The following TRPC7 variants were observed in gnomAD, a reference collection of about 807,000 sequenced individuals.
TRPC7 encodes short transient receptor potential channel 7.
TRPC7 carries 42 observed loss-of-function variants against 90.1 expected under a neutral mutation model. The ratio of observed to expected loss-of-function variants is 0.47; its 90% CI spans 0.36 to 0.60. TRPC7 has a LOEUF of 0.60. Ranked by LOEUF, TRPC7 falls within the 20% of genes least tolerant of loss-of-function variation. TRPC7 has a pLI of 0.00. For synonymous variants in TRPC7, 451 were observed against 436.3 expected (o/e 1.03, Z -0.42); for missense variants, 955 against 1,112.3 (o/e 0.86, Z 2.01).
chr5:136,311,952 C>T (rs1758846229), intron 3 of TRPC7, among the ~76,000 whole-genome samples: 1 of 152,206 alleles, frequency 6.6e-6, no homozygotes, highest in Admixed American at 6.5e-5. Flanking sequence ...ATATTTGAGG[C>T]ACAAATGCTT....
chr5:136,337,154 T>C (rs892825791), intron 2 of TRPC7, among the ~76,000 whole-genome samples: 1 of 152,208 alleles, frequency 6.6e-6, no homozygotes, highest in Non-Finnish European at 1.5e-5. Context: ...TTCCCTTACG[T>C]AACCTCTAAA....
chr5:136,356,512 T>A, intron 2 of TRPC7, 96 bp downstream of exon 2: 1 of 1,274,612 alleles, frequency 7.8e-7, no homozygotes, highest in Non-Finnish European at 1.1e-6. Flanking sequence ...GAAGCTTCCC[T>A]CTTTCTTAGA....
chr5:136,348,938 A>G lies in TRPC7; in HGVS notation c.780+7670T>C, dbSNP rs544602245. On this transcript the variant is annotated intron_variant, in intron 2 of 11. Transcript: ENST00000513104. ...ATTGCCATTTGATTTAATTTGTGCT[A>G]CTACTCATTGGCTAACATCCTCAAA... Among the ~76,000 whole-genome samples, 298 of 152,326 alleles carry G rather than the reference A, an allele frequency of 2.0e-3. 1 individual carries two copies. Among genetic ancestry groups the G allele is most frequent in the African/African-American group, 6.5e-3 (271 of 41,576 alleles).
rs1757304491 is a variant in TRPC7, at chr5:136,274,681, A to G, written c.1120T>C (p.Cys374Arg). The G allele has an allele frequency of 6.2e-7, 1 of 1,613,330 alleles. No homozygotes were observed. The highest frequency in any genetic ancestry group is 1.3e-5 in the African/African-American group (1 of 74,886). The change falls in exon 4 of 12, where the codon TGC (cysteine) becomes CGC (arginine). Residue 374 changes from cysteine (C) to arginine (R), a missense_variant. Coordinates refer to ENST00000513104, the MANE Select transcript of TRPC7 (RefSeq NM_020389.3). ...FLAIAYWIAP[C>R]SKLGRTLRSP... is the part of the protein sequence containing the mutation. The stretch of plus-strand genomic sequence containing the variant: ...CCTTAAGCAGTCTGTACCTTGCTGC[A>G]CGGAGCAATCCAATAGGCTATGGCG...
intron 10 of TRPC7, among the ~76,000 whole-genome samples, chr5:136,219,749 G>C (rs960037925): frequency 6.6e-6 from 1 of 152,230 alleles, no homozygotes; most frequent in African/African-American, 2.4e-5. Context: ...CTGGGTGACA[G>C]AGCAAGACTC....
intron 3 of TRPC7, among the ~76,000 whole-genome samples, 192 bp from the exon 4 acceptor site, chr5:136,275,029 G>A (rs902003795): frequency 6.6e-6 from 1 of 152,146 alleles, no homozygotes; most frequent in African/African-American, 2.4e-5. Flanking sequence ...AAGGAACTTT[G>A]TGCTGTGGCC....
At chr5:136,214,279 T>C (rs1413943891) in intron 11 of TRPC7, 2 of 152,576 alleles carry the variant, frequency 1.3e-5, no homozygotes, top group East Asian at 3.9e-4. Context: ...ACCTTGTGGT[T>C]AGAAGTCCAA....
At position 136,356,590 on chromosome 5, in the gene TRPC7, G is replaced by A; in HGVS notation, c.780+18C>T. Reference sequence around the variant, plus strand: ...CCCCTGGGCAACCTGCCTGCAGGGTGCTAAGTGGAAGAGTTACCTTAAATT... The same window carrying A: ...CCCCTGGGCAACCTGCCTGCAGGGTACTAAGTGGAAGAGTTACCTTAAATT... On this transcript the variant is annotated intron_variant, in intron 2 of 11. Transcript: ENST00000513104. 1.3e-6 allele frequency: 2 copies of A among 1,520,158 alleles called. No homozygotes were observed. Among genetic ancestry groups the A allele is most frequent in the African/African-American group, 1.4e-5 (1 of 71,954 alleles). The allele number at this position is 1,520,158 out of a possible 1,614,324, so 94.2% of individuals were successfully genotyped here.
chr5:136,251,683 G>A lies in TRPC7; in HGVS notation c.1545C>T (p.Val515=), dbSNP rs1756521971. The A allele has an allele frequency of 1.2e-6, 2 of 1,610,976 alleles. No individual in the cohort carries two copies. Among genetic ancestry groups the A allele is most frequent in the African/African-American group, 1.3e-5 (1 of 74,892 alleles). Residue 515 remains valine (V), a synonymous_variant, in exon 6 of 12, where the codon GTC becomes GTT. Coordinates refer to ENST00000513104, the MANE Select transcript of TRPC7 (RefSeq NM_020389.3). ...AGTATGCCACTTCCGGCGGAAGCGA[G>A]ACATTGTGCAGCGTGTCGTCCTGCA... is the stretch of plus-strand genomic sequence containing the variant. ...QHVQDDTLHN[V]SLPPEVAYFT...
chr5:136,242,119 G>T (rs561800338), intron 7 of TRPC7, among the ~76,000 whole-genome samples: 1 of 152,278 alleles, frequency 6.6e-6, no homozygotes, highest in African/African-American at 2.4e-5. Context: ...ATTCCTAACA[G>T]TCTGAACTGA....
At chr5:136,288,063 C>A (rs1757791563) in intron 3 of TRPC7, among the ~76,000 whole-genome samples, 1 of 152,090 alleles carries the variant, frequency 6.6e-6, no homozygotes. Context: ...ATGTATTGAT[C>A]AATTTAATCC....
At chr5:136,303,901 C>G (rs970028227) in intron 3 of TRPC7, 3 of 152,010 alleles carry the variant, frequency 2.0e-5, no homozygotes, top group Admixed American at 1.3e-4. Flanking sequence ...GCTACCCATG[C>G]CACGTTACCT....
rs181911522 is a variant in TRPC7 at position 136,354,286 on chromosome 5, C to T, written c.780+2322G>A. ...AAAAAACAAAAAAGAGGCTATATTCCTTAAGACTTTCTTTCAGTAATCTCT... is the reference window on the plus strand; with the variant it reads ...AAAAAACAAAAAAGAGGCTATATTCTTTAAGACTTTCTTTCAGTAATCTCT... On this transcript the variant is annotated intron_variant, in intron 2 of 11. Transcript: ENST00000513104. Among the ~76,000 whole-genome samples the T allele has an allele frequency of 2.2e-3, 335 of 152,270 alleles. 6 individuals carry two copies. Among genetic ancestry groups the T allele is most frequent in the African/African-American group, 7.8e-3 (324 of 41,554 alleles).
At chr5:136,314,461 T>C (rs2149838688) in intron 3 of TRPC7, 1 of 152,374 alleles carries the variant, frequency 6.6e-6, no homozygotes, top group African/African-American at 2.4e-5. Flanking sequence ...AACACTGTGC[T>C]TTCTAATATT....
At chr5:136,347,119 C>T (rs1760031556) in intron 2 of TRPC7, among the ~76,000 whole-genome samples, 1 of 152,154 alleles carries the variant, frequency 6.6e-6, no homozygotes, top group African/African-American at 2.4e-5. Context: ...AGATCCTCTC[C>T]TAGAGCCTCC....
At chr5:136,265,519 C>T (rs1292903775) in intron 5 of TRPC7, among the ~76,000 whole-genome samples, 5 of 152,010 alleles carry the variant, frequency 3.3e-5, no homozygotes, top group Non-Finnish European at 2.9e-5. Context: ...AAATCTATAA[C>T]ACATTTTGCC....
chr5:136,264,430 A>G (rs1030074280), intron 5 of TRPC7, among the ~76,000 whole-genome samples: 11 of 152,192 alleles, frequency 7.2e-5, no homozygotes, highest in Non-Finnish European at 1.6e-4. Context: ...AAAATGCTCA[A>G]TTTAGTTAAA....
In TRPC7 at chr5:136,315,731, C is replaced by T. The variant is rs754976469; in HGVS notation, c.829G>A (p.Val277Met). The change falls in exon 3 of 12, where the codon GTG becomes ATG. Residue 277 changes from valine (V) to methionine (M), a missense_variant. Physicochemically the swap from Val to Met is conservative, Grantham distance 21. This residue lies in a region of TRPC7 where 484 missense variants were observed against 509.6 expected (regional missense o/e 0.95). Coordinates refer to ENST00000513104, the MANE Select transcript of TRPC7 (RefSeq NM_020389.3). ...TCTGTGTCTCGGCACAGGTCCAGCA[C>T]GCCCACTACAAAATCCTTGCATTGC... ...SMQCKDFVVG[V>M]LDLCRDTEEV... The T allele has an allele frequency of 6.8e-6, 11 of 1,613,924 alleles. No individual in the cohort carries two copies. Among genetic ancestry groups the T allele is most frequent in the East Asian group, 2.2e-5 (1 of 44,880 alleles).
chr5:136,280,159 AAAAC>A (rs201882030), intron 3 of TRPC7, among the ~76,000 whole-genome samples: 21 of 151,934 alleles, frequency 1.4e-4, no homozygotes, highest in African/African-American at 1.9e-4. Flanking sequence ...GACTCTGTCA[AAAAC>A]AAACAAACAA....
Sources: allele counts gnomAD v4.1 joint callset (sites outside exome capture counted in the v4.1 genomes callset), GRCh38; gene constraint gnomAD v4.1.1; regional missense constraint gnomAD v4.1.1; transcripts MANE v1.5; gene names NCBI Gene and HGNC (gene_info 2026-07-23, HGNC 2026-07-21).